AGAP1: variants seen among roughly 807,000 people sequenced by gnomAD.
The protein encoded by AGAP1 is ArfGAP with GTPase domain, ankyrin repeat and PH domain 1, also known as arf-GAP with GTPase, ANK repeat and PH domain-containing protein 1.
AGAP1 carries 29 observed loss-of-function variants against 105.3 expected under a neutral mutation model. That is an observed-to-expected ratio of 0.28 (90% confidence interval 0.21 to 0.38). The LOEUF is 0.38. Ranked by LOEUF, AGAP1 falls within the 10% of genes least tolerant of loss-of-function variation. AGAP1 has a pLI of 1.00. For missense variants in AGAP1, 998 were observed against 1,165.1 expected (o/e 0.86, Z 2.09); for synonymous variants, 509 against 485.9 (o/e 1.05, Z -0.63).
rs202125645 is a variant in AGAP1 at position 235,613,764 on chromosome 2, A to G, written c.164-95415A>G. Among the ~76,000 whole-genome samples, 3 of 152,378 alleles carry G rather than the reference A, an allele frequency of 2.0e-5. No individual in the cohort carries two copies. The East Asian group carries it at 5.8e-4, about 29-fold the overall frequency. ...AATATAAGCTGGTAATTACTTTAAA[A>G]TATTCCTTTGTGAATGTGCCTAATT... On this transcript the variant is annotated intron_variant, in intron 1 of 17. Coordinates refer to ENST00000304032, the MANE Select transcript of AGAP1 (RefSeq NM_001037131.3).
chr2:235,677,880 C>T (rs114425356), intron 1 of AGAP1, among the ~76,000 whole-genome samples: 5,053 of 106,936 alleles, frequency 0.047, 131 homozygotes, highest in Middle Eastern at 0.11. Flanking sequence ...CCAGTTTCTG[C>T]CTTTCTGCCC....
intron 6 of AGAP1, among the ~76,000 whole-genome samples, chr2:235,781,940 G>C (rs149867932): frequency 6.6e-6 from 1 of 152,190 alleles, no homozygotes; most frequent in African/African-American, 2.4e-5. Flanking sequence ...CATGCATCAT[G>C]GGAGCTGTGA....
chr2:235,758,018 T>C (rs1954074480), intron 6 of AGAP1, among the ~76,000 whole-genome samples: 1 of 152,204 alleles, frequency 6.6e-6, no homozygotes, highest in Admixed American at 6.5e-5. Context: ...TTAAGCCTAT[T>C]CCATTCTTTC....
At chr2:236,094,513 A>G (rs548261575) in intron 16 of AGAP1, among the ~76,000 whole-genome samples, 1 of 151,854 alleles carries the variant, frequency 6.6e-6, no homozygotes, top group East Asian at 1.9e-4. Flanking sequence ...TACCACGACC[A>G]TCTAGTTTTT....
intron 6 of AGAP1, among the ~76,000 whole-genome samples, chr2:235,797,114 A>G (rs1957277431): frequency 6.6e-6 from 1 of 151,984 alleles, no homozygotes; most frequent in Non-Finnish European, 1.5e-5. Context: ...AGTGAAGAGG[A>G]TTTCTTTAGG....
At position 235,738,664 on chromosome 2, in the gene AGAP1, T is replaced by C. The variant is rs1952396307; in HGVS notation, c.311-2299T>C. Among the ~76,000 whole-genome samples, 5 of 151,874 alleles carry C rather than the reference T, an allele frequency of 3.3e-5. No individual in the cohort carries two copies. In the South Asian group the frequency reaches 1.0e-3, roughly 32 times the overall value. ...CCTCCACCTCCCAGGTTCAAGCAAT[T>C]CTCCTGTCTCAGCCTCCCGAGTAGC... On this transcript the variant is annotated intron_variant, in intron 3 of 17. Transcript: ENST00000304032.
chr2:236,041,190 C>T lies in AGAP1; in HGVS notation c.1891+349C>T, dbSNP rs147616756. ...GAGCCTGGGCAACACAGGGAGAACC[C>T]GTCTCTACAGAAAATTAAAAATTAA... On this transcript the variant is annotated intron_variant, in intron 15 of 17. Transcript: ENST00000304032. Among the ~76,000 whole-genome samples the T allele has an allele frequency of 2.4e-4, 37 of 152,040 alleles. No homozygotes were observed. The South Asian group carries it at 3.7e-3, about 15-fold the overall frequency.
chr2:235,894,353 C>T (rs1009844816), intron 10 of AGAP1, among the ~76,000 whole-genome samples: 40 of 152,168 alleles, frequency 2.6e-4, no homozygotes, highest in African/African-American at 8.2e-4. Flanking sequence ...TGATGTTCTT[C>T]GCTTCCCTGG....
intron 16 of AGAP1, among the ~76,000 whole-genome samples, chr2:236,064,621 A>G (rs961127863): frequency 2.0e-5 from 3 of 152,140 alleles, no homozygotes; most frequent in African/African-American, 7.2e-5. Context: ...ACAAAATGCC[A>G]GTAGCACTCC....
rs1457237173 is a variant in AGAP1 at position 235,905,038 on chromosome 2, C to G, written c.1156-3700C>G. The stretch of plus-strand genomic sequence containing the variant: ...CCTAACTCAGGCAAGAAAACAGATC[C>G]CTTAGCCCATGCTGAGCTAAAGATA... On this transcript the variant is annotated intron_variant, in intron 10 of 17. Transcript: ENST00000304032. The surrounding 1 kb of genome is among the most constrained non-coding windows in gnomAD (Gnocchi z 4.2). 6.6e-6 allele frequency among the ~76,000 whole-genome samples: 1 copy of G among 152,116 alleles called. No individual in the cohort carries two copies. The highest frequency in any genetic ancestry group is 1.5e-5 in the Non-Finnish European group (1 of 68,034).
At position 236,035,027 on chromosome 2, in the gene AGAP1, A is replaced by G. The variant is rs888281311; in HGVS notation, c.1646-1534A>G. ...AGGGTGAGTGGGGTGGCACGTCCTCACGTCCCAGGCTGCAGGCGCATTGTG... is the reference window on the plus strand; with the variant it reads ...AGGGTGAGTGGGGTGGCACGTCCTCGCGTCCCAGGCTGCAGGCGCATTGTG... On this transcript the variant is annotated intron_variant, in intron 13 of 17. Transcript: ENST00000304032. This position sits in a 1 kb window ranked among gnomAD's most constrained non-coding sequence, Gnocchi z 4.2. 6.6e-6 allele frequency among the ~76,000 whole-genome samples: 1 copy of G among 152,114 alleles called. No homozygotes were observed. The highest frequency in any genetic ancestry group is 2.4e-5 in the African/African-American group (1 of 41,436).
rs1662897611 is a variant in AGAP1, at chr2:235,574,601, A to C, written c.163+79752A>C. Reference sequence around the variant, plus strand: ...TTTTTACCAGGCTGTTCAAAAAGTCAAGCAGTGTTCTTTTAGGTCCTTTTT... The same window carrying C: ...TTTTTACCAGGCTGTTCAAAAAGTCCAGCAGTGTTCTTTTAGGTCCTTTTT... On this transcript the variant is annotated intron_variant, in intron 1 of 17. Transcript: ENST00000304032. This position sits in a 1 kb window ranked among gnomAD's most constrained non-coding sequence, Gnocchi z 5.0. Among the ~76,000 whole-genome samples the C allele has an allele frequency of 6.6e-6, 1 of 152,198 alleles. No homozygotes were observed. Among genetic ancestry groups the C allele is most frequent in the African/African-American group, 2.4e-5 (1 of 41,446 alleles).
intron 13 of AGAP1, among the ~76,000 whole-genome samples, chr2:235,991,358 G>A (rs982282554): frequency 5.3e-5 from 8 of 152,136 alleles, no homozygotes; most frequent in African/African-American, 1.9e-4. Flanking sequence ...CAAGCAGCAT[G>A]ATCAATCAGA....
In AGAP1 at chr2:236,120,427, C is replaced by T. The variant is rs2059872912; in HGVS notation, c.2350C>T (p.Leu784=). 1 of 1,611,430 alleles carries T rather than the reference C, an allele frequency of 6.2e-7. No individual in the cohort carries two copies. Among genetic ancestry groups the T allele is most frequent in the African/African-American group, 1.3e-5 (1 of 75,014 alleles). Reference sequence around the variant, plus strand: ...GGCCTGCCGCAAGGGGAATGTGGTCCTGGCGCAGCTCCTGATCTGGGTAGG... The same window carrying T: ...GGCCTGCCGCAAGGGGAATGTGGTCTTGGCGCAGCTCCTGATCTGGGTAGG... ...HLACRKGNVV[L]AQLLIWYGVD... is the part of the protein sequence containing the mutation. The change falls in exon 17 of 18, where the codon CTG becomes TTG. Residue 784 remains leucine, a synonymous_variant. Transcript: ENST00000304032. This position sits in a 1 kb window ranked among gnomAD's most constrained non-coding sequence, Gnocchi z 6.0.
At chr2:235,808,325 GTAATCCCT>G (rs1957950333) in intron 9 of AGAP1, among the ~76,000 whole-genome samples, 1 of 152,312 alleles carries the variant, frequency 6.6e-6, no homozygotes, top group African/African-American at 2.4e-5. Context: ...CACAGCATCG[GTAATCCCT>G]TAGGAACTGT....
chr2:235,839,803 A>G (rs1228785233), intron 9 of AGAP1, among the ~76,000 whole-genome samples: 1 of 152,188 alleles, frequency 6.6e-6, no homozygotes, highest in Non-Finnish European at 1.5e-5. Context: ...TTGCCTTTTC[A>G]TACATGAAAT....
chr2:235,874,138 A>G lies in AGAP1; in HGVS notation c.1051-9207A>G, dbSNP rs2049589283. Among the ~76,000 whole-genome samples, 1 of 151,692 alleles carries G rather than the reference A, an allele frequency of 6.6e-6. No homozygotes were observed. Among genetic ancestry groups the G allele is most frequent in the Admixed American group, 6.6e-5 (1 of 15,238 alleles). On this transcript the variant is annotated intron_variant, in intron 9 of 17. Coordinates refer to ENST00000304032, the MANE Select transcript of AGAP1 (RefSeq NM_001037131.3). The surrounding 1 kb of genome is among the most constrained non-coding windows in gnomAD (Gnocchi z 4.5). The stretch of plus-strand genomic sequence containing the variant: ...AGTGGCGTGATCTCAGCTCACTGCA[A>G]CCTCTCCCTCCAACCAATTGCCCTA...
chr2:235,581,923 G>C (rs1944946768), intron 1 of AGAP1, among the ~76,000 whole-genome samples: 1 of 152,166 alleles, frequency 6.6e-6, no homozygotes, highest in Admixed American at 6.5e-5. Flanking sequence ...AAGAAAACTG[G>C]ACTATGATTG....
At chr2:235,590,439 C>A (rs554385411) in intron 1 of AGAP1, among the ~76,000 whole-genome samples, 1 of 151,938 alleles carries the variant, frequency 6.6e-6, no homozygotes, top group African/African-American at 2.4e-5. Context: ...CTGAGCTCCG[C>A]GAGGCTGGAT....
Sources: allele counts gnomAD v4.1 joint callset (sites outside exome capture counted in the v4.1 genomes callset), GRCh38; gene constraint gnomAD v4.1.1; non-coding constraint Gnocchi (gnomAD v3.1); transcripts MANE v1.5; gene names NCBI Gene and HGNC (gene_info 2026-07-23, HGNC 2026-07-21).